RNF144B: variants seen among roughly 807,000 people sequenced by gnomAD.
RNF144B encodes the protein E3 ubiquitin-protein ligase RNF144B.
RNF144B carries 25 observed loss-of-function variants against 40.2 expected under a neutral mutation model. The ratio of observed to expected loss-of-function variants is 0.62; its 90% CI spans 0.45 to 0.87. RNF144B has a LOEUF of 0.87. RNF144B is among the 40% of genes least tolerant of loss of function. The pLI, the probability that RNF144B is intolerant of heterozygous loss-of-function variation, is 0.00. For synonymous variants in RNF144B, 145 were observed against 136.3 expected, an observed-to-expected ratio of 1.06 and a Z score of -0.44; for missense variants, 365 against 373.7, an observed-to-expected ratio of 0.98 and a Z score of 0.19.
At chr6:18,455,695 T>C (rs1242916624) in intron 4 of RNF144B, among the ~76,000 whole-genome samples, 1 of 152,136 alleles carries the variant, frequency 6.6e-6, no homozygotes, top group Admixed American at 6.5e-5. Flanking sequence ...TCATAGTATA[T>C]GGAAAGAACA....
At position 18,398,436 on chromosome 6, in the gene RNF144B, A is replaced by G. The variant is rs1248795761; in HGVS notation, c.-36-1063A>G. 6.6e-6 allele frequency among the ~76,000 whole-genome samples: 1 copy of G among 152,092 alleles called. No homozygotes were observed. Among genetic ancestry groups the G allele is most frequent in the Non-Finnish European group, 1.5e-5 (1 of 68,024 alleles). ...ACCCAGGCTGGAGTGTGGTGACGCA[A>G]TCTTGACTCACTGCAACCTCTGCCT... On this transcript the variant is annotated intron_variant, in intron 1 of 7. Transcript: ENST00000259939. The surrounding 1 kb of genome is among the most constrained non-coding windows in gnomAD (Gnocchi z 5.0).
chr6:18,404,284 A>G (rs543624145), intron 2 of RNF144B, among the ~76,000 whole-genome samples: 5 of 152,310 alleles, frequency 3.3e-5, no homozygotes, highest in African/African-American at 9.6e-5. Flanking sequence ...GCAGTATAGC[A>G]TAGTGTGTTA....
chr6:18,418,095 A>G lies in RNF144B; in HGVS notation c.166-9486A>G, dbSNP rs529530661. 1.3e-5 allele frequency among the ~76,000 whole-genome samples: 2 copies of G among 152,330 alleles called. No individual in the cohort carries two copies. The highest frequency in any genetic ancestry group is 2.1e-4 in the South Asian group (1 of 4,832). ...AAAAGACAGAAAATAACGAGTTTTG[A>G]TGAGAATTTAAAGAAGTTGAAACTC... On this transcript the variant is annotated intron_variant, in intron 2 of 7. Coordinates refer to ENST00000259939, the MANE Select transcript of RNF144B (RefSeq NM_182757.4). This position sits in a 1 kb window ranked among gnomAD's most constrained non-coding sequence, Gnocchi z 5.2.
chr6:18,435,935 A>G (rs1413734871), intron 3 of RNF144B, among the ~76,000 whole-genome samples: 1 of 151,990 alleles, frequency 6.6e-6, no homozygotes, highest in Non-Finnish European at 1.5e-5. Context: ...TGACGAGTTA[A>G]TGGATGCAGC....
intron 2 of RNF144B, among the ~76,000 whole-genome samples, chr6:18,420,271 G>T (rs1453493606): frequency 6.6e-6 from 1 of 151,944 alleles, no homozygotes; most frequent in Non-Finnish European, 1.5e-5. Flanking sequence ...CACCATATTG[G>T]TGCTTAAAAA....
At position 18,446,468 on chromosome 6, in the gene RNF144B, C is replaced by A. The variant is rs1759084300; in HGVS notation, c.331+6724C>A. Among the ~76,000 whole-genome samples, 1 of 152,150 alleles carries A rather than the reference C, an allele frequency of 6.6e-6. No individual in the cohort carries two copies. The highest frequency in any genetic ancestry group is 2.4e-5 in the African/African-American group (1 of 41,434). ...GCACTTTTACAGAAGTGCCCTTTTG[C>A]AAATATCTCTCTGGGTTGTTATTGC... is the stretch of plus-strand genomic sequence containing the variant. On this transcript the variant is annotated intron_variant, in intron 4 of 7. Transcript: ENST00000259939. The surrounding 1 kb of genome is among the most constrained non-coding windows in gnomAD (Gnocchi z 4.7).
Position 18,398,824 on chromosome 6 carries a change from T to C in RNF144B, c.-36-675T>C, listed in dbSNP as rs1406345378. On this transcript the variant is annotated intron_variant, in intron 1 of 7. Transcript: ENST00000259939. The surrounding 1 kb of genome is among the most constrained non-coding windows in gnomAD (Gnocchi z 5.0). ...CAGTTCTTTTGGGTATATACCCGAT[T>C]GCTGGATCATATGTTACCTCTTTGT... Among the ~76,000 whole-genome samples, 2 of 152,236 alleles carry C rather than the reference T, an allele frequency of 1.3e-5. No homozygotes were observed. Among genetic ancestry groups the C allele is most frequent in the Non-Finnish European group, 2.9e-5 (2 of 68,044 alleles).
Position 18,410,989 on chromosome 6 carries a change from C to A in RNF144B, c.165+11290C>A, listed in dbSNP as rs1795019915. ...TTCTTTTCTTTTTTTTTCTTCTTTT[C>A]TTTTCTTTTTTTTTGAGACGGAGTC... On this transcript the variant is annotated intron_variant, in intron 2 of 7. Transcript: ENST00000259939. This position sits in a 1 kb window ranked among gnomAD's most constrained non-coding sequence, Gnocchi z 4.6. Among the ~76,000 whole-genome samples the A allele has an allele frequency of 3.4e-5, 3 of 88,948 alleles. No individual in the cohort carries two copies. In the South Asian group the frequency reaches 1.0e-3, roughly 30 times the overall value. 58.4% of individuals were successfully genotyped at this position (88,948 alleles called of 152,430 possible).
intron 2 of RNF144B, among the ~76,000 whole-genome samples, chr6:18,417,852 A>G (rs944897646): frequency 6.6e-6 from 1 of 152,222 alleles, no homozygotes; most frequent in African/African-American, 2.4e-5. Flanking sequence ...GGATACAGCT[A>G]GAATATATAA....
intron 1 of RNF144B, chr6:18,396,365 T>G (rs556690454): frequency 7.4e-5 from 70 of 949,800 alleles, no homozygotes; most frequent in Admixed American, 1.8e-4. Flanking sequence ...AATTATGTCT[T>G]TGTTTTTCAA....
rs116106091 is a variant in RNF144B, at chr6:18,395,091, G to A, written c.-36-4408G>A. 0.021 allele frequency among the ~76,000 whole-genome samples: 3,217 copies of A among 152,260 alleles called. 29 individuals carry two copies. Among genetic ancestry groups the A allele is most frequent in the African/African-American group, 0.024 (977 of 41,556 alleles). On this transcript the variant is annotated intron_variant, in intron 1 of 7. Transcript: ENST00000259939. The surrounding 1 kb of genome is among the most constrained non-coding windows in gnomAD (Gnocchi z 4.5). ...TTTTCACAAGGGGTTCTTGACACTCGGTGAGAGGCACAGTCACATCTATAA... is the reference window on the plus strand; with the variant it reads ...TTTTCACAAGGGGTTCTTGACACTCAGTGAGAGGCACAGTCACATCTATAA...
chr6:18,435,974 T>C (rs1258456498), intron 3 of RNF144B, among the ~76,000 whole-genome samples: 1 of 151,748 alleles, frequency 6.6e-6, no homozygotes, highest in Non-Finnish European at 1.5e-5. Context: ...TATACATATG[T>C]AACAAACCTG....
At chr6:18,451,985 G>A (rs1037175289) in intron 4 of RNF144B, among the ~76,000 whole-genome samples, 1 of 152,078 alleles carries the variant, frequency 6.6e-6, no homozygotes, top group African/African-American at 2.4e-5. Flanking sequence ...GAGAGCTATG[G>A]TCTAATAGAA....
At chr6:18,430,971 A>T (rs980878315) in intron 3 of RNF144B, among the ~76,000 whole-genome samples, 3 of 152,136 alleles carry the variant, frequency 2.0e-5, no homozygotes, top group Non-Finnish European at 2.9e-5. Flanking sequence ...GGCCAGGTGC[A>T]GTGGCTCACG....
In RNF144B at chr6:18,441,051, T is replaced by C. The variant is rs1758953028; in HGVS notation, c.331+1307T>C. ...TGGTTTAATGGATGATGACATAATC[T>C]GATGCTTCTGTTCTGTGATAAGTTA... On this transcript the variant is annotated intron_variant, in intron 4 of 7. Coordinates refer to ENST00000259939, the MANE Select transcript of RNF144B (RefSeq NM_182757.4). The surrounding 1 kb of genome is among the most constrained non-coding windows in gnomAD (Gnocchi z 4.9). Among the ~76,000 whole-genome samples the C allele has an allele frequency of 6.6e-6, 1 of 152,146 alleles. No homozygotes were observed. The highest frequency in any genetic ancestry group is 2.4e-5 in the African/African-American group (1 of 41,422).
chr6:18,427,639 G>C lies in RNF144B; in HGVS notation c.224G>C (p.Cys75Ser). ...GAAGGATGTGGGTCTCCCATCACTT[G>C]CCCTGACATGGTGTGCCTAAACCAC... ...IREGCGSPIT[C>S]PDMVCLNHGT... The change falls in exon 3 of 8, where the codon TGC becomes TCC. Residue 75 changes from cysteine (C) to serine (S), a missense_variant. By Grantham distance (112) the Cys-to-Ser change is moderately radical. Coordinates refer to ENST00000259939, the MANE Select transcript of RNF144B (RefSeq NM_182757.4). The C allele has an allele frequency of 6.2e-7, 1 of 1,613,656 alleles. No homozygotes were observed.
rs772722476 is a variant in RNF144B at position 18,457,370 on chromosome 6, A to T, written c.536+11A>T. The stretch of plus-strand genomic sequence containing the variant: ...GCCAACAGAGCACCGGTAAGAAAGG[A>T]AACTTTGTCTTTGGGATTATTCACT... On this transcript the variant is annotated intron_variant, in intron 5 of 7. Transcript: ENST00000259939. The surrounding 1 kb of genome is among the most constrained non-coding windows in gnomAD (Gnocchi z 5.1). The T allele has an allele frequency of 1.2e-6, 2 of 1,604,144 alleles. No homozygotes were observed. The highest frequency in any genetic ancestry group is 8.5e-7 in the Non-Finnish European group (1 of 1,170,876).
At position 18,414,308 on chromosome 6, in the gene RNF144B, G is replaced by T. The variant is rs902123813; in HGVS notation, c.166-13273G>T. Among the ~76,000 whole-genome samples the T allele has an allele frequency of 2.0e-5, 3 of 152,210 alleles. No homozygotes were observed. The East Asian group carries it at 5.8e-4, about 29-fold the overall frequency. On this transcript the variant is annotated intron_variant, in intron 2 of 7. Coordinates refer to ENST00000259939, the MANE Select transcript of RNF144B (RefSeq NM_182757.4). The surrounding 1 kb of genome is among the most constrained non-coding windows in gnomAD (Gnocchi z 4.9). ...GCTCAAGAGGAAGTTTAAGGGTTAG[G>T]TCTATTCTTAACTGATGTCCCTTGT...
rs370051347 is a variant in RNF144B, at chr6:18,457,118, C to T, written c.332-37C>T. The T allele has an allele frequency of 2.7e-5, 39 of 1,446,548 alleles. No homozygotes were observed. The highest frequency in any genetic ancestry group is 2.3e-4 in the Admixed American group (14 of 59,760). 89.6% of individuals were successfully genotyped at this position (1,446,548 alleles called of 1,614,324 possible). Reference sequence around the variant, plus strand: ...AGGTGAGAAAGACTCAAACATGAATCGGGCAGACCATCACATTTTCTTTCT... The same window carrying T: ...AGGTGAGAAAGACTCAAACATGAATTGGGCAGACCATCACATTTTCTTTCT... On this transcript the variant is annotated intron_variant, in intron 4 of 7. Coordinates refer to ENST00000259939, the MANE Select transcript of RNF144B (RefSeq NM_182757.4). The surrounding 1 kb of genome is among the most constrained non-coding windows in gnomAD (Gnocchi z 5.1).
Sources: allele counts gnomAD v4.1 joint callset (sites outside exome capture counted in the v4.1 genomes callset), GRCh38; gene constraint gnomAD v4.1.1; non-coding constraint Gnocchi (gnomAD v3.1); transcripts MANE v1.5; gene names NCBI Gene and HGNC (gene_info 2026-07-23, HGNC 2026-07-21).